The following ATP7A variants were observed in gnomAD, a reference collection of about 807,000 sequenced individuals.
ATP7A encodes the protein copper-transporting ATPase 1.
In ATP7A, 7 loss-of-function variants were observed where a neutral mutation model predicts 83.5. The observed-to-expected ratio is 0.08, with a 90% CI of 0.05 to 0.16. The LOEUF (loss-of-function observed/expected upper bound fraction) is 0.16, where lower values mean the gene tolerates loss of function less well. Ranked by LOEUF, ATP7A falls within the 10% of genes least tolerant of loss-of-function variation. The pLI is 1.00. For missense variants in ATP7A, 940 were observed against 1,120.8 expected, an observed-to-expected ratio of 0.84 and a Z score of 2.30; for synonymous variants, 354 against 395.2, an observed-to-expected ratio of 0.90 and a Z score of 1.24.
In ATP7A at chrX:78,047,222, T is replaced by A. The variant is rs1009185665; in HGVS notation, c.*652T>A. 7 of 112,555 alleles carry A rather than the reference T, an allele frequency of 6.2e-5. No homozygotes were observed. Among genetic ancestry groups the A allele is most frequent in the African/African-American group, 2.3e-4 (7 of 30,884 alleles). 9.3% of individuals were successfully genotyped at this position (112,555 alleles called of 1,213,427 possible). The stretch of plus-strand genomic sequence containing the variant: ...GAGCTAACCAAGTTTAGGTGGTTTT[T>A]CATTGATTAAAAATAACTGACAACT... On this transcript the variant is annotated 3_prime_UTR_variant, in exon 23 of 23. Transcript: ENST00000341514.
chrX:78,012,003 G>C (rs1276502394), intron 9 of ATP7A, among the ~76,000 whole-genome samples: 1 of 108,302 alleles, frequency 9.2e-6, no homozygotes, highest in Non-Finnish European at 1.9e-5. Context: ...GAATGCAGTG[G>C]TGTAAGCACA....
chrX:77,993,117 A>G (rs2077679461), intron 4 of ATP7A, among the ~76,000 whole-genome samples: 1 of 112,364 alleles, frequency 8.9e-6, no homozygotes, highest in African/African-American at 3.2e-5. Flanking sequence ...CTTACATTAT[A>G]ATATTCCTAT....
chrX:78,008,111 G>A (rs945662645), intron 6 of ATP7A, among the ~76,000 whole-genome samples: 2 of 111,564 alleles, frequency 1.8e-5, no homozygotes, highest in Admixed American at 9.6e-5. Flanking sequence ...CCAGATTTCT[G>A]GAAAAAGATG....
intron 17 of ATP7A, among the ~76,000 whole-genome samples, chrX:78,036,707 C>G (rs2078015909): frequency 9.0e-6 from 1 of 111,010 alleles, no homozygotes; most frequent in African/African-American, 3.3e-5. Flanking sequence ...ATGGTGAAAC[C>G]CTGTGTCTAC....
At chrX:78,021,236 A>G (rs1175464975) in intron 14 of ATP7A, among the ~76,000 whole-genome samples, 157 bp downstream of exon 14, 1 of 112,202 alleles carries the variant, frequency 8.9e-6, no homozygotes, top group Non-Finnish European at 1.9e-5. Context: ...ATAAATATAA[A>G]AAATTTCCTT....
At chrX:78,022,706 T>C (rs1018650569) in intron 14 of ATP7A, among the ~76,000 whole-genome samples, 8 of 109,948 alleles carry the variant, frequency 7.3e-5, no homozygotes, top group African/African-American at 2.6e-4. Flanking sequence ...TTAGTAGAGA[T>C]GGGGTTTCGC....
At chrX:77,912,829 C>T (rs1421884830) in intron 1 of ATP7A, among the ~76,000 whole-genome samples, 1 of 111,756 alleles carries the variant, frequency 8.9e-6, no homozygotes, top group Non-Finnish European at 1.9e-5. Flanking sequence ...TATTGATCTT[C>T]TTAACTTGAT....
intron 6 of ATP7A, among the ~76,000 whole-genome samples, chrX:78,006,129 C>T (rs2077773779): frequency 8.9e-6 from 1 of 112,122 alleles, no homozygotes; most frequent in South Asian, 3.7e-4. Flanking sequence ...ATTTTGTTAA[C>T]ACTATGTTTC....
At chrX:77,936,379 C>G (rs1212939785) in intron 1 of ATP7A, among the ~76,000 whole-genome samples, 3 of 112,132 alleles carry the variant, frequency 2.7e-5, no homozygotes, top group Non-Finnish European at 5.6e-5. Flanking sequence ...ATTTTTGTTG[C>G]TCACTTTCAA....
At chrX:77,926,994 C>T (rs1458710727) in intron 1 of ATP7A, among the ~76,000 whole-genome samples, 8 of 111,912 alleles carry the variant, frequency 7.1e-5, no homozygotes, top group African/African-American at 2.3e-4. Context: ...TGAGCCACTG[C>T]GCCTGGCTCA....
At chrX:77,931,968 C>T (rs782678217) in intron 1 of ATP7A, among the ~76,000 whole-genome samples, 20 of 105,048 alleles carry the variant, frequency 1.9e-4, no homozygotes, top group African/African-American at 7.0e-4. Context: ...CACCTCCCTC[C>T]CGGACGGGGC....
Position 77,950,750 on chromosome X carries a change from G to A in ATP7A, c.-21-20871G>A, listed in dbSNP as rs781920744. Among the ~76,000 whole-genome samples the A allele has an allele frequency of 7.2e-5, 8 of 111,122 alleles. No homozygotes were observed. The South Asian group carries it at 2.7e-3, about 37-fold the overall frequency. On this transcript the variant is annotated intron_variant, in intron 1 of 22. Coordinates refer to ENST00000341514, the MANE Select transcript of ATP7A (RefSeq NM_000052.7). The stretch of plus-strand genomic sequence containing the variant: ...ATTAATAAAAAAATGTCGTCCAGGC[G>A]CAGTGGCTCACGCCTGTAATCCCAG...
chrX:77,997,842 A>T (rs2077714304), intron 4 of ATP7A, among the ~76,000 whole-genome samples: 1 of 110,718 alleles, frequency 9.0e-6, no homozygotes, highest in Admixed American at 9.7e-5. Context: ...GTCCACAGAC[A>T]TATTAAAATT....
At chrX:77,952,481 T>A (rs2077418386) in intron 1 of ATP7A, among the ~76,000 whole-genome samples, 1 of 112,068 alleles carries the variant, frequency 8.9e-6, no homozygotes, top group Admixed American at 9.5e-5. Context: ...TTTCATATGC[T>A]TATATATTAT....
chrX:77,972,635 G>A (rs1380157342), intron 2 of ATP7A, among the ~76,000 whole-genome samples: 3 of 111,621 alleles, frequency 2.7e-5, no homozygotes, highest in African/African-American at 9.8e-5. Flanking sequence ...ACAGGCATGA[G>A]CCACTGTGCC....
Position 77,971,732 on chromosome X carries a change from G to A in ATP7A, c.91G>A (p.Gly31Arg). 8.3e-7 allele frequency: 1 copy of A among 1,211,263 alleles called. No individual in the cohort carries two copies. Among genetic ancestry groups the A allele is most frequent in the Non-Finnish European group, 1.1e-6 (1 of 895,136 alleles). ...TGTTTGGACCATTGAGCAGCAGATT[G>A]GAAAAGTGAATGGTGTGCATCACAT... ...SCVWTIEQQI[G>R]KVNGVHHIKV... is the part of the protein sequence containing the mutation. The change falls in exon 2 of 23, where the codon GGA (glycine) becomes AGA (arginine). Residue 31 changes from glycine to arginine, a missense_variant. By Grantham distance (125) the Gly-to-Arg change is moderately radical. Around this residue, in one of 3 missense-constraint regions of ATP7A, gnomAD observed 350 missense variants for 432.8 expected, o/e 0.81. Coordinates refer to ENST00000341514, the MANE Select transcript of ATP7A (RefSeq NM_000052.7).
chrX:77,952,758 A>G (rs2149061561), intron 1 of ATP7A, among the ~76,000 whole-genome samples: 1 of 109,880 alleles, frequency 9.1e-6, no homozygotes, highest in East Asian at 2.8e-4. Context: ...ACAAGTTATG[A>G]TAAATATAAA....
intron 1 of ATP7A, among the ~76,000 whole-genome samples, chrX:77,931,824 C>G (rs1417421116): frequency 1.2e-5 from 1 of 84,305 alleles, no homozygotes; most frequent in Non-Finnish European, 2.3e-5. Context: ...GGGGGGCTGA[C>G]CCCCCCCACC....
At chrX:78,026,783 A>T (rs782290992) in intron 14 of ATP7A, among the ~76,000 whole-genome samples, 3 of 111,881 alleles carry the variant, frequency 2.7e-5, no homozygotes, top group Non-Finnish European at 5.6e-5. Context: ...ACCAAGAGGA[A>T]CTCTAAAAGC....
Sources: gnomAD v4.1 joint callset for allele counts (sites outside exome capture counted in the v4.1 genomes callset) on GRCh38, gnomAD v4.1.1 for gene constraint, gnomAD v4.1.1 regional missense constraint, MANE v1.5 for transcripts, NCBI Gene and HGNC (gene_info 2026-07-23, HGNC 2026-07-21) for gene names.